Variants in WWOX observed in about 807,000 individuals in gnomAD.
WWOX encodes WW domain containing oxidoreductase.
In WWOX, 69 loss-of-function variants were observed where a neutral mutation model predicts 46.2. The ratio of observed to expected loss-of-function variants is 1.49; its 90% CI spans 1.23 to 1.82. WWOX has a LOEUF of 1.82. WWOX is among the 40% of genes most tolerant of loss of function. The pLI, the probability that WWOX is intolerant of heterozygous loss-of-function variation, is 0.00. For synonymous variants in WWOX, 359 were observed against 202.6 expected, an observed-to-expected ratio of 1.77 and a Z score of -6.56; for missense variants, 919 against 542.6, an observed-to-expected ratio of 1.69 and a Z score of -6.89.
chr16:78,357,339 AAC>A (rs1237544072), intron 5 of WWOX, among the ~76,000 whole-genome samples: 2 of 152,042 alleles, frequency 1.3e-5, no homozygotes, highest in African/African-American at 4.8e-5. Context: ...GCACCACACA[AAC>A]ACACTCCAGA....
intron 7 of WWOX, among the ~76,000 whole-genome samples, chr16:78,428,354 A>C (rs6564554): frequency 0.28 from 43,026 of 152,094 alleles, 10,364 homozygotes; most frequent in African/African-American, 0.65. Context: ...TCAGACAGAT[A>C]AGAAGCTGGC....
intron 8 of WWOX, among the ~76,000 whole-genome samples, chr16:78,846,915 G>C (rs769399327): frequency 8.5e-5 from 13 of 152,180 alleles, no homozygotes; most frequent in Non-Finnish European, 1.5e-4. Context: ...TATTGGTATG[G>C]ATACGTGAAT....
In WWOX at chr16:78,743,626, C is replaced by G. The variant is rs147473899; in HGVS notation, c.1056+310874C>G. 1.9e-3 allele frequency among the ~76,000 whole-genome samples: 291 copies of G among 152,304 alleles called. 1 individual carries two copies. Among genetic ancestry groups the G allele is most frequent in the African/African-American group, 6.4e-3 (266 of 41,556 alleles). On this transcript the variant is annotated intron_variant, in intron 8 of 8. Coordinates refer to ENST00000566780, the MANE Select transcript of WWOX (RefSeq NM_016373.4). ...CTACTCCCTCTGCAACCCCTCCCCA[C>G]TTTTCTGAGTTGCAGATGGAAAATT...
At chr16:78,241,052 C>G (rs1316511235) in intron 5 of WWOX, 1 of 152,408 alleles carries the variant, frequency 6.6e-6, no homozygotes, top group African/African-American at 2.4e-5. Flanking sequence ...ACTGATGCAG[C>G]CTCCTGTCAC....
chr16:78,593,853 G>C (rs532913365), intron 8 of WWOX, among the ~76,000 whole-genome samples: 3 of 152,270 alleles, frequency 2.0e-5, no homozygotes, highest in African/African-American at 7.2e-5. Context: ...CCCTGGGTCA[G>C]CTGGGCCATA....
intron 8 of WWOX, among the ~76,000 whole-genome samples, chr16:78,999,418 C>G (rs931823659): frequency 6.6e-6 from 1 of 152,164 alleles, no homozygotes; most frequent in Non-Finnish European, 1.5e-5. Context: ...TGCGGTGAGC[C>G]GAGATTGCAC....
rs998183299 is a variant in WWOX at position 78,346,678 on chromosome 16, A to G, written c.517-40182A>G. Among the ~76,000 whole-genome samples, 4 of 119,514 alleles carry G rather than the reference A, an allele frequency of 3.3e-5. 1 individual carries two copies. Among genetic ancestry groups the G allele is most frequent in the African/African-American group, 8.5e-5 (3 of 35,278 alleles). The allele number at this position is 119,514 out of a possible 152,430, so 78.4% of individuals were successfully genotyped here. On this transcript the variant is annotated intron_variant, in intron 5 of 8. Transcript: ENST00000566780. ...AGTAATGATTTTGAACATGAAAACT[A>G]TGCTTATTGCTCATATCTATGTTAT...
At chr16:78,398,820 ATATT>A (rs2082347173) in intron 6 of WWOX, among the ~76,000 whole-genome samples, 1 of 152,214 alleles carries the variant, frequency 6.6e-6, no homozygotes, top group South Asian at 2.1e-4. Flanking sequence ...CAATAACTGA[ATATT>A]TATAAAGCGT....
At chr16:78,983,990 G>C (rs924587904) in intron 8 of WWOX, among the ~76,000 whole-genome samples, 5 of 141,708 alleles carry the variant, frequency 3.5e-5, no homozygotes, top group African/African-American at 1.3e-4. Context: ...CTATTCTCCT[G>C]CCTCAGCCTC....
At chr16:79,191,711 C>T (rs1165045652) in intron 8 of WWOX, among the ~76,000 whole-genome samples, 2 of 152,092 alleles carry the variant, frequency 1.3e-5, no homozygotes, top group Admixed American at 6.6e-5. Context: ...ACCACCTACC[C>T]CAACCTGGCA....
chr16:78,663,849 G>C (rs1031666053), intron 8 of WWOX, among the ~76,000 whole-genome samples: 2 of 152,182 alleles, frequency 1.3e-5, no homozygotes, highest in African/African-American at 2.4e-5. Context: ...CAAAGGCCCT[G>C]GGGTGGAAAC....
intron 8 of WWOX, among the ~76,000 whole-genome samples, chr16:78,624,336 A>T (rs2046260296): frequency 6.6e-6 from 1 of 151,790 alleles, no homozygotes; most frequent in African/African-American, 2.4e-5. Context: ...TCCTTTGCTA[A>T]CCAAACCCTA....
At chr16:78,908,327 G>A (rs1440575215) in intron 8 of WWOX, among the ~76,000 whole-genome samples, 1 of 152,052 alleles carries the variant, frequency 6.6e-6, no homozygotes, top group Non-Finnish European at 1.5e-5. Context: ...TTCAACTGAG[G>A]TCAGGAGTTT....
chr16:78,319,957 A>C (rs1373514275), intron 5 of WWOX, among the ~76,000 whole-genome samples: 2 of 152,156 alleles, frequency 1.3e-5, no homozygotes, highest in African/African-American at 4.8e-5. Flanking sequence ...TGAGCATCTA[A>C]TCCCAATCAG....
In WWOX at chr16:78,997,933, A is replaced by G. The variant is rs190595084; in HGVS notation, c.1057-213675A>G. ...CCCTTATTGCCTAGGCTGGAGTACAATGGCGCGATCTCAGCTCACAGCAAT... is the reference window on the plus strand; with the variant it reads ...CCCTTATTGCCTAGGCTGGAGTACAGTGGCGCGATCTCAGCTCACAGCAAT... On this transcript the variant is annotated intron_variant, in intron 8 of 8. Transcript: ENST00000566780. Among the ~76,000 whole-genome samples, 28 of 152,112 alleles carry G rather than the reference A, an allele frequency of 1.8e-4. No homozygotes were observed. The East Asian group carries it at 3.9e-3, about 21-fold the overall frequency.
chr16:78,244,977 C>G (rs566427343), intron 5 of WWOX, among the ~76,000 whole-genome samples: 1 of 152,138 alleles, frequency 6.6e-6, no homozygotes, highest in Non-Finnish European at 1.5e-5. Context: ...GGCACATATT[C>G]TTACAGTAGT....
intron 8 of WWOX, among the ~76,000 whole-genome samples, chr16:78,900,057 CTTTTTTTTT>C (rs754732541): frequency 2.0e-5 from 2 of 102,162 alleles, no homozygotes; most frequent in Non-Finnish European, 3.8e-5. Flanking sequence ...GCCCTCCTGA[CTTTTTTTTT>C]TTTTTTTTTT....
chr16:78,219,039 C>T (rs910589061), intron 5 of WWOX, among the ~76,000 whole-genome samples: 24 of 152,104 alleles, frequency 1.6e-4, no homozygotes, highest in African/African-American at 5.6e-4. Flanking sequence ...AAGTCATGTG[C>T]AATTTAACAA....
At chr16:78,548,270 A>G (rs2044093229) in intron 8 of WWOX, among the ~76,000 whole-genome samples, 2 of 151,972 alleles carry the variant, frequency 1.3e-5, no homozygotes, top group Non-Finnish European at 1.5e-5. Context: ...CTCTTCAAAA[A>G]CTTGGCAGTA....
Sources: allele counts gnomAD v4.1 joint callset (sites outside exome capture counted in the v4.1 genomes callset), GRCh38; gene constraint gnomAD v4.1.1; transcripts MANE v1.5; gene names NCBI Gene and HGNC (gene_info 2026-07-23, HGNC 2026-07-21).